Variants in SAMD11 observed in about 807,000 individuals in gnomAD.
SAMD11 encodes sterile alpha motif domain containing 11, also known as sterile alpha motif domain-containing protein 11.
A neutral mutation model predicts 64.4 loss-of-function variants in SAMD11; 77 were observed. The observed-to-expected ratio is 1.20, with a 90% confidence interval of 0.99 to 1.44. The LOEUF is 1.44. Ranked by LOEUF, SAMD11 falls within the 40% of genes most tolerant of loss-of-function variation. SAMD11 has a pLI of 0.00. For missense variants in SAMD11, 1,402 were observed against 943.3 expected (o/e 1.49, Z -6.37); for synonymous variants, 658 against 421.9 (o/e 1.56, Z -6.86).
In SAMD11 at chr1:944,486, TGTGG is replaced by T; in HGVS notation, c.*335_*338del. The stretch of plus-strand genomic sequence containing the variant: ...GGAGCTGACTTCAGCAGCCCACAGC[TGTGG>T]GGCTTCAGCAGCCACACCAGCCCAG... On this transcript the variant is annotated 3_prime_UTR_variant, in exon 14 of 14. Coordinates refer to ENST00000616016, the MANE Select transcript of SAMD11 (RefSeq NM_001385641.1). 3 of 680,714 alleles carry T rather than the reference TGTGG, an allele frequency of 4.4e-6. No individual in the cohort carries two copies. The allele number at this position is 680,714 out of a possible 1,614,324, so 42.2% of individuals were successfully genotyped here. A position where few individuals can be genotyped will look rare whatever the true frequency, so the allele number is the denominator to read the frequency against.
intron 12 of SAMD11, 35 bp downstream of exon 12, chr1:943,412 G>A (rs781122012): frequency 1.3e-6 from 2 of 1,491,766 alleles, no homozygotes; most frequent in Admixed American, 2.2e-5. Context: ...GGCGGGGCTG[G>A]AGCTGGCTGG....
intron 7 of SAMD11, among the ~76,000 whole-genome samples, chr1:939,860 G>T (rs1200818037): frequency 6.6e-6 from 1 of 152,154 alleles, no homozygotes; most frequent in Non-Finnish European, 1.5e-5. Context: ...GCTGGGTGCA[G>T]TGGGCACTTG....
At chr1:931,167 G>C in intron 4 of SAMD11, 78 bp downstream of exon 4, 1 of 1,176,310 alleles carries the variant, frequency 8.5e-7, no homozygotes, top group Non-Finnish European at 1.2e-6. Flanking sequence ...GTGCCCTGCT[G>C]TCTGCTGTCC....
chr1:936,484 G>A (rs535432666), intron 5 of SAMD11, among the ~76,000 whole-genome samples: 9 of 152,208 alleles, frequency 5.9e-5, no homozygotes, highest in African/African-American at 2.2e-4. Flanking sequence ...GGAGGGAAGG[G>A]ATCCGGCGCC....
In SAMD11 at chr1:942,255, A is replaced by G; in HGVS notation, c.1474+4A>G. The G allele has an allele frequency of 1.7e-6, 2 of 1,209,470 alleles. No individual in the cohort carries two copies. The highest frequency in any genetic ancestry group is 2.2e-6 in the Non-Finnish European group (2 of 920,816). 74.9% of individuals were successfully genotyped at this position (1,209,470 alleles called of 1,614,324 possible). A position where few individuals can be genotyped will look rare whatever the true frequency, so the allele number is the denominator to read the frequency against. On this transcript the variant is annotated splice_donor_region_variant and intron_variant, in intron 9 of 13. Coordinates refer to ENST00000616016, the MANE Select transcript of SAMD11 (RefSeq NM_001385641.1). ...TCGGCTCTGTGCCAGACCCCAGGTG[A>G]GGAGGCGGGTGCGCATCCCCTGGGA...
Position 938,555 on chromosome 1 carries a change from G to A in SAMD11, c.968-485G>A, listed in dbSNP as rs79986823. The stretch of plus-strand genomic sequence containing the variant: ...TGGAGGCGCCTCGAGGCGGCCTGGG[G>A]GGCCCACAGCCCAGTGACTCACAGA... On this transcript the variant is annotated intron_variant, in intron 5 of 13. Transcript: ENST00000616016. Among the ~76,000 whole-genome samples the A allele has an allele frequency of 5.9e-5, 9 of 152,238 alleles. No homozygotes were observed. The East Asian group carries it at 1.8e-3, about 30-fold the overall frequency.
At position 942,421 on chromosome 1, in the gene SAMD11, C is replaced by T. The variant is rs1641838298; in HGVS notation, c.1486C>T (p.Leu496=). 1.3e-5 allele frequency: 20 copies of T among 1,485,054 alleles called. No individual in the cohort carries two copies. Among genetic ancestry groups the T allele is most frequent in the Non-Finnish European group, 1.8e-5 (20 of 1,124,026 alleles). The allele number at this position is 1,485,054 out of a possible 1,614,324, so 92.0% of individuals were successfully genotyped here. ...ALCQTPGYGF[L]PPAQAEMFAW... is the part of the protein sequence containing the mutation. Reference sequence around the variant, plus strand: ...CCCCTCCCCACCAGGCTACGGCTTCCTGCCCCCCGCGCAGGCGGAGATGTT... The same window carrying T: ...CCCCTCCCCACCAGGCTACGGCTTCTTGCCCCCCGCGCAGGCGGAGATGTT... Residue 496 remains leucine (L), a synonymous_variant, in exon 10 of 14, where the codon CTG becomes TTG. Transcript: ENST00000616016.
chr1:938,442 G>A (rs1216140300), intron 5 of SAMD11, among the ~76,000 whole-genome samples: 2 of 152,330 alleles, frequency 1.3e-5, no homozygotes, highest in African/African-American at 4.8e-5. Flanking sequence ...CCACGCCAGG[G>A]TGCTAGCTCA....
chr1:943,114 T>C (rs1569918895), intron 11 of SAMD11, 56 bp downstream of exon 11: 1 of 1,554,216 alleles, frequency 6.4e-7, no homozygotes, highest in Non-Finnish European at 8.7e-7. Context: ...GCAGGCCGCC[T>C]GTGGAAGGGT....
chr1:943,499 C>A, intron 12 of SAMD11, 122 bp downstream of exon 12: 1 of 1,008,562 alleles, frequency 9.9e-7, no homozygotes, highest in Non-Finnish European at 1.4e-6. Flanking sequence ...AAGCAGTGCG[C>A]AGCAGGGACT....
intron 2 of SAMD11, among the ~76,000 whole-genome samples, chr1:928,220 GTCT>G (rs1640996463): frequency 6.7e-6 from 1 of 148,330 alleles, no homozygotes; most frequent in Non-Finnish European, 1.5e-5. Flanking sequence ...GGTGAAACCC[GTCT>G]CTACTAAAAA....
Position 942,634 on chromosome 1 carries a change from C to G in SAMD11, c.1629C>G (p.Thr543=). ...SARPQLLAPE[T]ALRPNDGAEE... The stretch of plus-strand genomic sequence containing the variant: ...GCCCACAGCTGCTGGCGCCCGAGAC[C>G]GCCCTGCGCCCCAACGACGGCGCCG... Residue 543 remains threonine, a synonymous_variant, in exon 11 of 14, where the codon ACC becomes ACG. Coordinates refer to ENST00000616016, the MANE Select transcript of SAMD11 (RefSeq NM_001385641.1). The G allele has an allele frequency of 7.0e-7, 1 of 1,436,954 alleles. No individual in the cohort carries two copies. Among genetic ancestry groups the G allele is most frequent in the South Asian group, 1.4e-5 (1 of 72,594 alleles). 89.0% of individuals were successfully genotyped at this position (1,436,954 alleles called of 1,614,324 possible).
rs779571221 is a variant in SAMD11, at chr1:939,024, C to G, written c.968-16C>G. 1 of 1,582,626 alleles carries G rather than the reference C, an allele frequency of 6.3e-7. No individual in the cohort carries two copies. On this transcript the variant is annotated splice_polypyrimidine_tract_variant and intron_variant, in intron 5 of 13. Coordinates refer to ENST00000616016, the MANE Select transcript of SAMD11 (RefSeq NM_001385641.1). ...ATTCCTTGAGATGCAGGTGGGCACT[C>G]ACTACCCTCCCGCAGGTGACCTGTT...
chr1:926,060 G>C (rs775915202), intron 2 of SAMD11, 47 bp downstream of exon 2: 2 of 1,568,762 alleles, frequency 1.3e-6, no homozygotes, highest in Middle Eastern at 1.7e-4. Flanking sequence ...CTCCCCTGCG[G>C]AGCTTGTCCC....
rs944500401 is a variant in SAMD11, at chr1:942,810, C to T, written c.1805C>T (p.Pro602Leu). The change falls in exon 11 of 14, where the codon CCT (proline) becomes CTT (leucine). Residue 602 changes from proline to leucine, a missense_variant. Physicochemically the swap from Pro to Leu is moderately conservative, Grantham distance 98. Transcript: ENST00000616016. Reference sequence around the variant, plus strand: ...GCCCCCCGGAAGGGGGGTCCCGGCCCTGCCTCAGCGCGGCCCAGCGAGTCC... The same window carrying T: ...GCCCCCCGGAAGGGGGGTCCCGGCCTTGCCTCAGCGCGGCCCAGCGAGTCC... ...RRAPRKGGPGPASARPSESKE... is the reference protein window; with the variant it reads ...RRAPRKGGPGLASARPSESKE... The T allele has an allele frequency of 6.5e-7, 1 of 1,547,308 alleles. No homozygotes were observed.
Position 943,975 on chromosome 1 carries a change from C to T in SAMD11, c.2357C>T (p.Pro786Leu). 6.2e-7 allele frequency: 1 copy of T among 1,612,812 alleles called. No homozygotes were observed. The highest frequency in any genetic ancestry group is 8.5e-7 in the Non-Finnish European group (1 of 1,179,980). ...SFPVALPLQPPTLRAPERELG... is the reference protein window; with the variant it reads ...SFPVALPLQPLTLRAPERELG... ...CCCGTGGCTCTGCCACTGCAGCCAC[C>T]AACCCTGCGGGCCCCGGAGCGAGAA... Residue 786 changes from proline to leucine, a missense_variant, in exon 14 of 14, where the codon CCA (proline) becomes CTA (leucine). By Grantham distance (98) the Pro-to-Leu change is moderately conservative (BLOSUM62 -3). Coordinates refer to ENST00000616016, the MANE Select transcript of SAMD11 (RefSeq NM_001385641.1).
At chr1:930,464 G>A in intron 3 of SAMD11, 128 bp downstream of exon 3, 2 of 1,103,930 alleles carry the variant, frequency 1.8e-6, no homozygotes, top group Middle Eastern at 2.6e-4. Context: ...TGGTCTTTTT[G>A]GGGTCCTGTG....
In SAMD11 at chr1:942,392, T is replaced by A. The variant is rs1407483572; in HGVS notation, c.1475-18T>A. ...CGCCTCGGACCCCCCGACCCCGCGTTGTCCCCCTCCCCACCAGGCTACGGC... is the reference window on the plus strand; with the variant it reads ...CGCCTCGGACCCCCCGACCCCGCGTAGTCCCCCTCCCCACCAGGCTACGGC... On this transcript the variant is annotated intron_variant, in intron 9 of 13. Coordinates refer to ENST00000616016, the MANE Select transcript of SAMD11 (RefSeq NM_001385641.1). 21 of 1,407,484 alleles carry A rather than the reference T, an allele frequency of 1.5e-5. No homozygotes were observed. Among genetic ancestry groups the A allele is most frequent in the Non-Finnish European group, 1.9e-5 (20 of 1,063,914 alleles). 87.2% of individuals were successfully genotyped at this position (1,407,484 alleles called of 1,614,324 possible).
chr1:930,555 C>G (rs1641121690), intron 3 of SAMD11, among the ~76,000 whole-genome samples: 1 of 152,228 alleles, frequency 6.6e-6, no homozygotes, highest in South Asian at 2.1e-4. Context: ...CGCTCACTGG[C>G]AGAGGCAGGT....
Sources: gnomAD v4.1 joint callset for allele counts (sites outside exome capture counted in the v4.1 genomes callset) on GRCh38, gnomAD v4.1.1 for gene constraint, MANE v1.5 for transcripts, NCBI Gene and HGNC (gene_info 2026-07-23, HGNC 2026-07-21) for gene names.